Variants in ILDR1 observed in about 807,000 individuals in gnomAD.
ILDR1 encodes immunoglobulin-like domain-containing receptor 1.
Under a neutral mutation model 62.4 loss-of-function variants are expected in ILDR1, and 56 were observed. That is an observed-to-expected ratio of 0.90 (90% CI 0.72 to 1.12). The LOEUF is 1.12. Among genes scored for constraint, ILDR1 ranks in the 50% most tolerant of loss-of-function variants. The pLI, the probability that ILDR1 is intolerant of heterozygous loss-of-function variation, is 0.00. For synonymous variants in ILDR1, 284 were observed against 277.8 expected (o/e 1.02, Z -0.22); for missense variants, 736 against 710.6 (o/e 1.04, Z -0.41).
chr3:122,021,863 C>G (rs1485506847), intron 1 of ILDR1, among the ~76,000 whole-genome samples, 157 bp downstream of exon 1: 3 of 152,242 alleles, frequency 2.0e-5, no homozygotes, highest in Non-Finnish European at 2.9e-5. Flanking sequence ...GGCAGAAACT[C>G]GATCCAGTCC....
chr3:122,054,318 C>CAA, the ILDR1 span, among the ~76,000 whole-genome samples: 15 of 151,784 alleles, frequency 9.9e-5, no homozygotes, highest in Non-Finnish European at 1.8e-4. Flanking sequence ...CATTTTAAGG[C>CAA]TATTTTAATT....
intron 1 of ILDR1, among the ~76,000 whole-genome samples, chr3:122,008,030 T>C (rs1405805759): frequency 6.6e-6 from 1 of 152,188 alleles, no homozygotes; most frequent in Non-Finnish European, 1.5e-5. Context: ...CAAATACCAG[T>C]GCCCAGTACT....
the ILDR1 span, among the ~76,000 whole-genome samples, chr3:122,027,277 C>A: frequency 6.6e-6 from 1 of 152,186 alleles, no homozygotes; most frequent in Admixed American, 6.5e-5. Context: ...GCAAACTCCA[C>A]CTCCCAAGTT....
At chr3:121,992,302 A>G (rs1319819685) in intron 7 of ILDR1, among the ~76,000 whole-genome samples, 3 of 151,866 alleles carry the variant, frequency 2.0e-5, no homozygotes, top group Non-Finnish European at 4.4e-5. Flanking sequence ...ACACCCAGCT[A>G]ATTTTTTGTA....
chr3:122,054,279 AG>A, the ILDR1 span, among the ~76,000 whole-genome samples: 2 of 152,154 alleles, frequency 1.3e-5, no homozygotes, highest in South Asian at 4.1e-4. Context: ...TTTAAAGCTC[AG>A]CACTGGTGTT....
chr3:122,010,349 A>C (rs1355221594), intron 1 of ILDR1, among the ~76,000 whole-genome samples: 1 of 152,232 alleles, frequency 6.6e-6, no homozygotes, highest in Admixed American at 6.5e-5. Flanking sequence ...GAAGAACAGT[A>C]ATACAGTGAA....
chr3:122,052,182 G>C, the ILDR1 span, among the ~76,000 whole-genome samples: 1 of 152,116 alleles, frequency 6.6e-6, no homozygotes, highest in African/African-American at 2.4e-5. Context: ...ATTGGCCTCT[G>C]CTGTGCCACA....
Position 122,022,155 on chromosome 3 carries a change from C to G in ILDR1, c.-78G>C, listed in dbSNP as rs1458524878. 2.4e-6 allele frequency: 3 copies of G among 1,265,608 alleles called. No individual in the cohort carries two copies. The highest frequency in any genetic ancestry group is 1.3e-5 in the South Asian group (1 of 77,014). 78.4% of individuals were successfully genotyped at this position (1,265,608 alleles called of 1,614,324 possible). A position where few individuals can be genotyped will look rare whatever the true frequency, so the allele number is the denominator to read the frequency against. ...TTCTTCCTCAGCTGCCGCCCCAGGA[C>G]GCACCACCTTCTCCAAGGAACCCCT... On this transcript the variant is annotated 5_prime_UTR_variant, in exon 1 of 8. Transcript: ENST00000344209.
chr3:122,054,222 A>G, the ILDR1 span, among the ~76,000 whole-genome samples: 3 of 152,244 alleles, frequency 2.0e-5, no homozygotes, highest in Admixed American at 6.5e-5. Flanking sequence ...ATTTTGGTCT[A>G]AACTAATTTA....
chr3:121,998,306 C>A (rs1489285223), intron 5 of ILDR1, among the ~76,000 whole-genome samples: 1 of 152,224 alleles, frequency 6.6e-6, no homozygotes, highest in African/African-American at 2.4e-5. Context: ...TGCTTATAAA[C>A]ATGTTTAGGA....
intron 5 of ILDR1, among the ~76,000 whole-genome samples, chr3:121,997,398 C>T (rs2071452555): frequency 6.6e-6 from 1 of 152,188 alleles, no homozygotes; most frequent in African/African-American, 2.4e-5. Context: ...GGCAATTGAC[C>T]TCAAATAGCC....
chr3:122,013,169 C>T (rs1039245642), intron 1 of ILDR1, among the ~76,000 whole-genome samples: 2 of 152,240 alleles, frequency 1.3e-5, no homozygotes, highest in African/African-American at 4.8e-5. Flanking sequence ...TTCCTAAATA[C>T]ATGCACATCT....
rs727503097 is a variant in ILDR1, at chr3:121,993,389, C to T, written c.1360G>A (p.Glu454Lys). ...CGTCTCCCGTGCCTCTGAGTGCTCTCCCGGGGGCTGGGCCTGCGGGGCCTC... is the reference window on the plus strand; with the variant it reads ...CGTCTCCCGTGCCTCTGAGTGCTCTTCCGGGGGCTGGGCCTGCGGGGCCTC... ...QERPRRPSPR[E>K]STQRHGRRRR... The change falls in exon 7 of 8, where the codon GAG (glutamate) becomes AAG (lysine). Residue 454 changes from glutamate (E) to lysine (K), a missense_variant. Physicochemically the swap from Glu to Lys is moderately conservative, Grantham distance 56. Transcript: ENST00000344209. The T allele has an allele frequency of 1.4e-5, 22 of 1,613,016 alleles. No homozygotes were observed. Among genetic ancestry groups the T allele is most frequent in the Non-Finnish European group, 1.8e-5 (21 of 1,179,312 alleles).
chr3:122,041,697 C>T, the ILDR1 span, among the ~76,000 whole-genome samples: 1 of 151,804 alleles, frequency 6.6e-6, no homozygotes, highest in Non-Finnish European at 1.5e-5. Context: ...TCTTAATTTC[C>T]TTTGCAGGTT....
At position 122,008,625 on chromosome 3, in the gene ILDR1, G is replaced by A. The variant is rs111668521; in HGVS notation, c.59-1464C>T. 9.0e-3 allele frequency among the ~76,000 whole-genome samples: 1,220 copies of A among 136,060 alleles called. 18 individuals are homozygous for A. Among genetic ancestry groups the A allele is most frequent in the African/African-American group, 0.032 (1,123 of 34,726 alleles). The allele number at this position is 136,060 out of a possible 152,430, so 89.3% of individuals were successfully genotyped here. On this transcript the variant is annotated intron_variant, in intron 1 of 7. Coordinates refer to ENST00000344209, the MANE Select transcript of ILDR1 (RefSeq NM_001199799.2). ...TTTTTTTTTTTTGAGATAGAGTCTCGCTCTGTCACTCAGGCTGGAGTGCAA... is the reference window on the plus strand; with the variant it reads ...TTTTTTTTTTTTGAGATAGAGTCTCACTCTGTCACTCAGGCTGGAGTGCAA...
chr3:121,994,063 A>G (rs2071400658), intron 6 of ILDR1, 93 bp from the exon 7 acceptor site: 2 of 1,492,426 alleles, frequency 1.3e-6, no homozygotes, highest in East Asian at 4.8e-5. Context: ...GTTAGCATGA[A>G]TCCCTCCCAT....
At chr3:122,031,861 C>T in the ILDR1 span, among the ~76,000 whole-genome samples, 1 of 152,206 alleles carries the variant, frequency 6.6e-6, no homozygotes, top group African/African-American at 2.4e-5. Flanking sequence ...AACCCTGGGT[C>T]TAAAGCAGAC....
chr3:122,013,003 T>C (rs1340629320), intron 1 of ILDR1, among the ~76,000 whole-genome samples: 1 of 152,104 alleles, frequency 6.6e-6, no homozygotes, highest in Non-Finnish European at 1.5e-5. Flanking sequence ...TCAGAGCTCA[T>C]GGGAAGGAGA....
intron 3 of ILDR1, among the ~76,000 whole-genome samples, 171 bp downstream of exon 3, chr3:122,005,073 C>T (rs1248229739): frequency 6.6e-6 from 1 of 152,218 alleles, no homozygotes; most frequent in Non-Finnish European, 1.5e-5. Flanking sequence ...GTCACTTCAG[C>T]TGGTGCAGCA....
Sources: allele counts gnomAD v4.1 joint callset (sites outside exome capture counted in the v4.1 genomes callset), GRCh38; gene constraint gnomAD v4.1.1; transcripts MANE v1.5; gene names NCBI Gene and HGNC (gene_info 2026-07-23, HGNC 2026-07-21).